The following CRYL1 variants were observed in gnomAD, a reference collection of about 807,000 sequenced individuals.
CRYL1 encodes the protein lambda-crystallin homolog.
In CRYL1, 29 loss-of-function variants were observed where a neutral mutation model predicts 36.6. That is an observed-to-expected ratio of 0.79 (90% CI 0.59 to 1.08). The LOEUF (loss-of-function observed/expected upper bound fraction) is 1.08. CRYL1 is among the 50% of genes least tolerant of loss of function. The pLI is 0.00. For synonymous variants in CRYL1, 152 were observed against 151.5 expected (o/e 1.00, Z -0.02); for missense variants, 411 against 407.9 (o/e 1.01, Z -0.06).
In CRYL1 at chr13:20,432,213, G is replaced by C. The variant is rs1188014402; in HGVS notation, c.522C>G (p.Ala174=). The change falls in exon 5 of 8, where the codon GCC becomes GCG. Residue 174 remains alanine (A), a synonymous_variant. Transcript: ENST00000298248. ...GGCACTGTCCAATCTTCTTCATCAGGGCGTGGGTTCTGTCCACTGTCGTAG... is the reference window on the plus strand; with the variant it reads ...GGCACTGTCCAATCTTCTTCATCAGCGCGTGGGTTCTGTCCACTGTCGTAG... ...TAPTTVDRTH[A]LMKKIGQCPM... 5 of 1,613,796 alleles carry C rather than the reference G, an allele frequency of 3.1e-6. No individual in the cohort carries two copies. In the Admixed American group the frequency reaches 8.3e-5, roughly 27 times the overall value.
At chr13:20,479,479 C>A (rs981320866) in intron 3 of CRYL1, among the ~76,000 whole-genome samples, 1 of 152,238 alleles carries the variant, frequency 6.6e-6, no homozygotes, top group East Asian at 1.9e-4. Context: ...CTTACAATCG[C>A]ACAGTACTGG....
Position 20,439,620 on chromosome 13 carries a change from A to C in CRYL1, c.411T>G (p.His137Gln). Residue 137 changes from histidine to glutamine, a missense_variant, in exon 4 of 8, where the codon CAT becomes CAG. Coordinates refer to ENST00000298248, the MANE Select transcript of CRYL1 (RefSeq NM_015974.3). Reference protein sequence around the residue: ...MPSKLFAGLVHVKQCIVAHPV... With the variant: ...MPSKLFAGLVQVKQCIVAHPV... ...GATGAGCCACGATGCATTGCTTCAC[A>C]TGGACCAAGCCAGCAAACAACTTGG... 2 of 1,613,888 alleles carry C rather than the reference A, an allele frequency of 1.2e-6. No individual in the cohort carries two copies. Among genetic ancestry groups the C allele is most frequent in the Non-Finnish European group, 1.7e-6 (2 of 1,179,958 alleles).
chr13:20,496,939 A>T (rs1476500291), intron 2 of CRYL1, among the ~76,000 whole-genome samples: 4 of 152,082 alleles, frequency 2.6e-5, no homozygotes, highest in Non-Finnish European at 4.4e-5. Context: ...ATTGGAAATC[A>T]TGCAAAAGTA....
At chr13:20,488,257 A>G (rs181752266) in intron 3 of CRYL1, among the ~76,000 whole-genome samples, 1 of 152,210 alleles carries the variant, frequency 6.6e-6, no homozygotes, top group African/African-American at 2.4e-5. Flanking sequence ...AGCACCTGCA[A>G]CTACGGGTAG....
chr13:20,521,028 C>A (rs1378852130), intron 1 of CRYL1, among the ~76,000 whole-genome samples: 1 of 141,844 alleles, frequency 7.1e-6, no homozygotes, highest in East Asian at 2.3e-4. Flanking sequence ...CCCGTGAACC[C>A]GGAGGCGGAG....
At position 20,435,656 on chromosome 13, in the gene CRYL1, GC is replaced by G. The variant is rs1466628123; in HGVS notation, c.439-3361del. Among the ~76,000 whole-genome samples, 1 of 152,090 alleles carries G rather than the reference GC, an allele frequency of 6.6e-6. No homozygotes were observed. The highest frequency in any genetic ancestry group is 2.4e-5 in the African/African-American group (1 of 41,412). ...GTGTGCGAGGTGGACTCGGAAACACGCCCCCGAAAGGGTTCGACAGATACAA... is the reference window on the plus strand; with the variant it reads ...GTGTGCGAGGTGGACTCGGAAACACGCCCCGAAAGGGTTCGACAGATACAA... On this transcript the variant is annotated intron_variant, in intron 4 of 7. Transcript: ENST00000298248. The surrounding 1 kb of genome is among the most constrained non-coding windows in gnomAD (Gnocchi z 4.0).
intron 3 of CRYL1, among the ~76,000 whole-genome samples, chr13:20,473,588 G>A (rs2033104108): frequency 6.6e-6 from 1 of 152,182 alleles, no homozygotes; most frequent in South Asian, 2.1e-4. Flanking sequence ...GTGTCTGTCT[G>A]GGGCTTCACG....
At chr13:20,504,399 G>A (rs559429319) in intron 2 of CRYL1, among the ~76,000 whole-genome samples, 15 of 146,742 alleles carry the variant, frequency 1.0e-4, no homozygotes, top group Admixed American at 9.1e-4. Flanking sequence ...TGCCTCCCAC[G>A]TTCAAGCGAT....
In CRYL1 at chr13:20,403,908, G is replaced by C. The variant is rs764407158; in HGVS notation, c.*221C>G. ...CTGCCCAGGTGGCAGGAAATCGACA[G>C]CCCCGAGAACGCAAGTGCTGCTGTG... is the stretch of plus-strand genomic sequence containing the variant. On this transcript the variant is annotated 3_prime_UTR_variant, in exon 8 of 8. Transcript: ENST00000298248. 1 of 387,950 alleles carries C rather than the reference G, an allele frequency of 2.6e-6. No individual in the cohort carries two copies. Among genetic ancestry groups the C allele is most frequent in the Non-Finnish European group, 4.6e-6 (1 of 217,934 alleles). The allele number at this position is 387,950 out of a possible 1,614,324, so 24.0% of individuals were successfully genotyped here.
chr13:20,443,545 A>G (rs1396467810), intron 3 of CRYL1, among the ~76,000 whole-genome samples: 3 of 152,036 alleles, frequency 2.0e-5, no homozygotes, highest in Non-Finnish European at 4.4e-5. Context: ...GGCCTGCACC[A>G]CCACACCCGG....
intron 3 of CRYL1, among the ~76,000 whole-genome samples, chr13:20,472,254 T>C (rs1405868412): frequency 2.0e-5 from 3 of 152,172 alleles, no homozygotes; most frequent in African/African-American, 2.4e-5. Context: ...TGACCTATAA[T>C]ACCTTATACA....
At chr13:20,507,778 C>G (rs552521959) in intron 2 of CRYL1, among the ~76,000 whole-genome samples, 2 of 151,882 alleles carry the variant, frequency 1.3e-5, no homozygotes, top group South Asian at 2.1e-4. Flanking sequence ...ATTAGCTGGG[C>G]GTGGTGGCGA....
At chr13:20,448,594 G>A (rs35362228) in intron 3 of CRYL1, among the ~76,000 whole-genome samples, 6,972 of 152,238 alleles carry the variant, frequency 0.046, 333 homozygotes, top group Admixed American at 0.16. Context: ...CATAAAAGCA[G>A]AGGTAAGGTT....
Position 20,403,765 on chromosome 13 carries a change from T to G in CRYL1, c.*364A>C. 1 of 166,794 alleles carries G rather than the reference T, an allele frequency of 6.0e-6. No individual in the cohort carries two copies. Among genetic ancestry groups the G allele is most frequent in the Non-Finnish European group, 1.3e-5 (1 of 77,996 alleles). The allele number at this position is 166,794 out of a possible 1,614,324, so 10.3% of individuals were successfully genotyped here. A position where few individuals can be genotyped will look rare whatever the true frequency, so the allele number is the denominator to read the frequency against. The stretch of plus-strand genomic sequence containing the variant: ...GGGCCCCAGAGTACTCAGAAAGGGA[T>G]TAGAAAATAATTACAAAAATATTTT... On this transcript the variant is annotated 3_prime_UTR_variant, in exon 8 of 8. Coordinates refer to ENST00000298248, the MANE Select transcript of CRYL1 (RefSeq NM_015974.3).
intron 3 of CRYL1, among the ~76,000 whole-genome samples, chr13:20,457,557 A>G (rs898855135): frequency 5.3e-5 from 8 of 152,256 alleles, no homozygotes; most frequent in African/African-American, 7.2e-5. Flanking sequence ...TACGTAAAAC[A>G]TATCACCAAG....
At chr13:20,519,913 A>G (rs1405021460) in intron 1 of CRYL1, among the ~76,000 whole-genome samples, 2 of 37,010 alleles carry the variant, frequency 5.4e-5, no homozygotes, top group Non-Finnish European at 5.3e-4. Flanking sequence ...TTAATGTTTT[A>G]CACATGATGA....
intron 2 of CRYL1, among the ~76,000 whole-genome samples, chr13:20,502,914 G>A (rs1423143686): frequency 1.3e-5 from 2 of 152,176 alleles, no homozygotes; most frequent in African/African-American, 4.8e-5. Context: ...ATCCTTGACA[G>A]CACCTACACC....
intron 3 of CRYL1, among the ~76,000 whole-genome samples, chr13:20,446,357 C>G (rs1308652671): frequency 1.3e-5 from 2 of 152,198 alleles, no homozygotes; most frequent in East Asian, 3.9e-4. Context: ...GGTGATCCAC[C>G]TGCCTTGGTC....
At chr13:20,483,849 G>A (rs542328598) in intron 3 of CRYL1, among the ~76,000 whole-genome samples, 1 of 149,540 alleles carries the variant, frequency 6.7e-6, no homozygotes, top group Non-Finnish European at 1.5e-5. Flanking sequence ...CCCTCTTCTC[G>A]CTCTGTCGCC....
Sources: allele counts gnomAD v4.1 joint callset (sites outside exome capture counted in the v4.1 genomes callset), GRCh38; gene constraint gnomAD v4.1.1; non-coding constraint Gnocchi (gnomAD v3.1); transcripts MANE v1.5; gene names NCBI Gene and HGNC (gene_info 2026-07-23, HGNC 2026-07-21).